ARHGEF33: variants seen among roughly 807,000 people sequenced by gnomAD.
The protein encoded by ARHGEF33 is Rho guanine nucleotide exchange factor 33, also known as DH and coiled-coil domain-containing protein ENSP00000381780.
In ARHGEF33, 72 loss-of-function variants were observed where a neutral mutation model predicts 101.9. The observed-to-expected ratio is 0.71, with a 90% confidence interval of 0.58 to 0.86. The LOEUF (loss-of-function observed/expected upper bound fraction) is 0.86, where lower values mean the gene tolerates loss of function less well. Ranked by LOEUF, ARHGEF33 falls within the 40% of genes least tolerant of loss-of-function variation. The probability of loss-of-function intolerance (pLI) is 0.00; values close to 1 mark genes in which losing one functional copy is unlikely to be tolerated. For missense variants in ARHGEF33, 1,169 were observed against 1,111.3 expected, an observed-to-expected ratio of 1.05 and a Z score of -0.74; for synonymous variants, 499 against 442.5, an observed-to-expected ratio of 1.13 and a Z score of -1.60.
chr2:38,963,302 A>G (rs1203250504), intron 16 of ARHGEF33, among the ~76,000 whole-genome samples: 2 of 152,182 alleles, frequency 1.3e-5, no homozygotes, highest in African/African-American at 4.8e-5. Flanking sequence ...TTCCCTTTAA[A>G]TACTCTGTAT....
chr2:38,920,133 G>A (rs566984916), intron 3 of ARHGEF33, among the ~76,000 whole-genome samples: 40 of 152,230 alleles, frequency 2.6e-4, no homozygotes, highest in Admixed American at 1.8e-3. Context: ...AGGTTGGAGG[G>A]GTTTCCTGTA....
chr2:38,961,782 T>A (rs995140460), intron 16 of ARHGEF33, among the ~76,000 whole-genome samples: 5 of 151,880 alleles, frequency 3.3e-5, no homozygotes, highest in African/African-American at 1.2e-4. Flanking sequence ...GAAGGATATT[T>A]AAAACCTTTG....
In ARHGEF33 at chr2:38,959,872, C is replaced by T; in HGVS notation, c.1567C>T (p.Gln523Ter). Reference protein sequence around the residue: ...HLMPPVKKSQQQQSLMESMQP... With the variant: ...HLMPPVKKSQ ...GATGCCCCCAGTGAAGAAAAGCCAA[C>T]AGCAGCAAAGCCTGATGGAGAGCAT... Residue 523 changes from glutamine to a stop codon, truncating the protein, a stop_gained, in exon 16 of 18, where the codon CAG becomes TAG. Transcript: ENST00000409978. LOFTEE classifies it high-confidence loss of function. 1 of 1,550,928 alleles carries T rather than the reference C, an allele frequency of 6.4e-7. No homozygotes were observed.
At chr2:38,900,121 G>C (rs1198033543) in intron 2 of ARHGEF33, among the ~76,000 whole-genome samples, 1 of 152,198 alleles carries the variant, frequency 6.6e-6, no homozygotes, top group Non-Finnish European at 1.5e-5. Context: ...GAGCCCTGGA[G>C]ATCGAGGCTG....
intron 17 of ARHGEF33, chr2:38,969,344 C>CT (rs893499317): frequency 1.2e-5 from 2 of 167,740 alleles, no homozygotes; most frequent in African/African-American, 4.8e-5. Flanking sequence ...TGCTACCTTC[C>CT]TCCCCCACAG....
intron 11 of ARHGEF33, 70 bp from the exon 12 acceptor site, chr2:38,953,092 A>G (rs560349091): frequency 2.5e-5 from 19 of 749,248 alleles, no homozygotes; most frequent in South Asian, 2.4e-4. Flanking sequence ...TTTTACATAT[A>G]TGACTCTATA....
chr2:38,918,260 G>A (rs533876846), intron 2 of ARHGEF33, among the ~76,000 whole-genome samples: 19 of 152,286 alleles, frequency 1.2e-4, no homozygotes, highest in Admixed American at 6.5e-4. Flanking sequence ...CACTACCCTC[G>A]CTGCCACTGC....
At chr2:38,916,780 C>T (rs892185411) in intron 2 of ARHGEF33, among the ~76,000 whole-genome samples, 2 of 151,544 alleles carry the variant, frequency 1.3e-5, no homozygotes, top group Non-Finnish European at 2.9e-5. Context: ...TTTGGACACA[C>T]TCCATATTTT....
intron 1 of ARHGEF33, among the ~76,000 whole-genome samples, chr2:38,894,087 G>A (rs1666067262): frequency 6.6e-6 from 1 of 152,170 alleles, no homozygotes; most frequent in African/African-American, 2.4e-5. Flanking sequence ...AGGAGGCCGA[G>A]ACACTGGGAT....
At chr2:38,950,400 T>C (rs1667569058) in intron 10 of ARHGEF33, among the ~76,000 whole-genome samples, 1 of 152,236 alleles carries the variant, frequency 6.6e-6, no homozygotes, top group Non-Finnish European at 1.5e-5. Flanking sequence ...GTCATTTAAA[T>C]GAGCATGTAA....
Position 38,943,793 on chromosome 2 carries a change from T to G in ARHGEF33, c.791-108T>G, listed in dbSNP as rs1667372204. 8.5e-6 allele frequency: 9 copies of G among 1,058,976 alleles called. No individual in the cohort carries two copies. The South Asian group carries it at 1.4e-4, about 17-fold the overall frequency. 65.6% of individuals were successfully genotyped at this position (1,058,976 alleles called of 1,614,324 possible). ...TACCTTTCAAAAACTTGCAGATGGTTTTTTTTTTATTGCTTTCAATATCCT... is the reference window on the plus strand; with the variant it reads ...TACCTTTCAAAAACTTGCAGATGGTGTTTTTTTTATTGCTTTCAATATCCT... On this transcript the variant is annotated intron_variant, in intron 9 of 17. Coordinates refer to ENST00000409978, the MANE Select transcript of ARHGEF33 (RefSeq NM_001145451.5).
chr2:38,927,431 C>A (rs1366987262), intron 4 of ARHGEF33, among the ~76,000 whole-genome samples: 1 of 152,240 alleles, frequency 6.6e-6, no homozygotes, highest in Non-Finnish European at 1.5e-5. Flanking sequence ...CACAGTGGCT[C>A]ACGCCTGTAA....
chr2:38,924,486 A>T (rs1666830312), intron 4 of ARHGEF33, among the ~76,000 whole-genome samples: 1 of 152,196 alleles, frequency 6.6e-6, no homozygotes, highest in Admixed American at 6.5e-5. Flanking sequence ...AATTAAGGCA[A>T]CAGATGTGGT....
At position 38,960,558 on chromosome 2, in the gene ARHGEF33, C is replaced by G. The variant is rs1454111020; in HGVS notation, c.2253C>G (p.Ala751=). ...CCGCGCAGGCGCACGGCCCGGCCGC[C>G]GCCGCCGTCGCCGCCCGCGGCGCAT... ...ERAAQAHGPA[A]AAVAARGASR... The change falls in exon 16 of 18, where the codon GCC becomes GCG. Residue 751 remains alanine (A), a synonymous_variant. Transcript: ENST00000409978. 7.9e-7 allele frequency: 1 copy of G among 1,266,152 alleles called. No homozygotes were observed. The highest frequency in any genetic ancestry group is 1.0e-6 in the Non-Finnish European group (1 of 989,402). 78.4% of individuals were successfully genotyped at this position (1,266,152 alleles called of 1,614,324 possible).
intron 2 of ARHGEF33, among the ~76,000 whole-genome samples, chr2:38,907,246 T>C (rs1178472462): frequency 6.6e-6 from 1 of 152,162 alleles, no homozygotes; most frequent in Non-Finnish European, 1.5e-5. Flanking sequence ...ACTGAACTCA[T>C]CCATTTTCAA....
chr2:38,919,100 A>C (rs1332615854), intron 2 of ARHGEF33, among the ~76,000 whole-genome samples: 1 of 152,206 alleles, frequency 6.6e-6, no homozygotes, highest in African/African-American at 2.4e-5. Flanking sequence ...TAATCAAACC[A>C]ATAGATCTTA....
chr2:38,903,275 A>T (rs1196946937), intron 2 of ARHGEF33, among the ~76,000 whole-genome samples: 5 of 152,218 alleles, frequency 3.3e-5, no homozygotes, highest in Non-Finnish European at 5.9e-5. Context: ...ACAGGATTTT[A>T]AGAAGCAGGG....
chr2:38,917,738 A>C (rs1427937137), intron 2 of ARHGEF33, among the ~76,000 whole-genome samples: 1 of 150,902 alleles, frequency 6.6e-6, no homozygotes, highest in Non-Finnish European at 1.5e-5. Flanking sequence ...CTGAGATGGG[A>C]GGATCACTTG....
At chr2:38,964,898 A>G (rs901349642) in intron 16 of ARHGEF33, among the ~76,000 whole-genome samples, 5 of 152,186 alleles carry the variant, frequency 3.3e-5, no homozygotes, top group Non-Finnish European at 7.3e-5. Context: ...CATTTTAAAT[A>G]AAGGCCCAAC....
Sources: allele counts gnomAD v4.1 joint callset (sites outside exome capture counted in the v4.1 genomes callset), GRCh38; gene constraint gnomAD v4.1.1; transcripts MANE v1.5; gene names NCBI Gene and HGNC (gene_info 2026-07-23, HGNC 2026-07-21).